The following PKD1L3 variants were observed in gnomAD, a reference collection of about 807,000 sequenced individuals.
PKD1L3 encodes the protein polycystin-1-like protein 3.
Under a neutral mutation model 184.1 loss-of-function variants are expected in PKD1L3, and 239 were observed. The observed-to-expected ratio is 1.30, with a 90% CI of 1.17 to 1.45. The LOEUF (loss-of-function observed/expected upper bound fraction) is 1.45. Among genes scored for constraint, PKD1L3 ranks in the 40% most tolerant of loss-of-function variants. The probability of loss-of-function intolerance (pLI) is 0.00; values close to 1 mark genes in which losing one functional copy is unlikely to be tolerated. For missense variants in PKD1L3, 2,660 were observed against 2,067.2 expected (o/e 1.29, Z -5.56); for synonymous variants, 996 against 778.8 (o/e 1.28, Z -4.64).
At chr16:71,961,253 G>A (rs1381197885) in intron 16 of PKD1L3, among the ~76,000 whole-genome samples, 2 of 152,060 alleles carry the variant, frequency 1.3e-5, no homozygotes, top group Admixed American at 6.6e-5. Flanking sequence ...CTCCCCAGTA[G>A]CTGGGACTAC....
Position 71,963,321 on chromosome 16 carries a change from C to T in PKD1L3, c.2496G>A (p.Met832Ile), listed in dbSNP as rs1212235890. 6.4e-7 allele frequency: 1 copy of T among 1,550,976 alleles called. No individual in the cohort carries two copies. Among genetic ancestry groups the T allele is most frequent in the East Asian group, 2.4e-5 (1 of 40,902 alleles). Reference protein sequence around the residue: ...WYVSQVIVCDMAVKRKWHFLC... With the variant: ...WYVSQVIVCDIAVKRKWHFLC... Reference sequence around the variant, plus strand: ...GGAAATGCCACTTCCTCTTAACTGCCATGTCACAGACAATTACCTGGCTGA... The same window carrying T: ...GGAAATGCCACTTCCTCTTAACTGCTATGTCACAGACAATTACCTGGCTGA... The change falls in exon 16 of 30, where the codon ATG becomes ATA. Residue 832 changes from methionine (M) to isoleucine (I), a missense_variant. By Grantham distance (10) the Met-to-Ile change is conservative. Coordinates refer to ENST00000620267, the MANE Select transcript of PKD1L3 (RefSeq NM_181536.2).
In PKD1L3 at chr16:71,984,071, T is replaced by C. The variant is rs1472821933; in HGVS notation, c.931A>G (p.Thr311Ala). The change falls in exon 6 of 30, where the codon ACA becomes GCA. Residue 311 changes from threonine (T) to alanine (A), a missense_variant. Transcript: ENST00000620267. The part of the protein sequence containing the change: ...QEACEFLQKL[T>A]ALTPRFSKPA... The stretch of plus-strand genomic sequence containing the variant: ...TTAGAAAATCTTGGGGTTAAGGCTG[T>C]TAGTTTCTGGAGGAACTCACAAGCT... 2 of 1,552,324 alleles carry C rather than the reference T, an allele frequency of 1.3e-6. No homozygotes were observed. The highest frequency in any genetic ancestry group is 1.4e-5 in the African/African-American group (1 of 73,176).
chr16:71,931,556 C>G (rs958015533), intron 28 of PKD1L3, among the ~76,000 whole-genome samples: 3 of 150,894 alleles, frequency 2.0e-5, no homozygotes, highest in African/African-American at 7.3e-5. Flanking sequence ...CCTCCACCTC[C>G]CAGGTTCAAG....
In PKD1L3 at chr16:71,967,284, C is replaced by T. The variant is rs757817448; in HGVS notation, c.2318G>A (p.Arg773Gln). The change falls in exon 15 of 30, where the codon CGG (arginine) becomes CAG (glutamine). Residue 773 changes from arginine (R) to glutamine (Q), a missense_variant. By Grantham distance (43) the Arg-to-Gln change is conservative. Coordinates refer to ENST00000620267, the MANE Select transcript of PKD1L3 (RefSeq NM_181536.2). ...VVITLYGSEG[R>Q]SEPHHLCDPQ... is the part of the protein sequence containing the mutation. Reference sequence around the variant, plus strand: ...GTCACAGAGGTGATGGGGCTCACTCCGTCCCTCTGATCCATAGAGGGTGAT... The same window carrying T: ...GTCACAGAGGTGATGGGGCTCACTCTGTCCCTCTGATCCATAGAGGGTGAT... 8.4e-6 allele frequency: 13 copies of T among 1,551,506 alleles called. No individual in the cohort carries two copies. The highest frequency in any genetic ancestry group is 1.1e-5 in the Non-Finnish European group (13 of 1,146,902).
chr16:71,937,140 C>T (rs2038207988), intron 25 of PKD1L3, among the ~76,000 whole-genome samples, 152 bp downstream of exon 25: 1 of 152,140 alleles, frequency 6.6e-6, no homozygotes, highest in Non-Finnish European at 1.5e-5. Context: ...ACTGCAACCT[C>T]TGCCTCCCAG....
chr16:71,999,782 ACTTC>A lies in PKD1L3; in HGVS notation c.193_196del (p.Glu65PhefsTer21), dbSNP rs1460173204. Reference sequence around the variant, plus strand: ...CAGATAGTCCCGGATGAGATCTTGAACTTCCTTGTTCCAAATATGAGCTAGGAAT... The same window carrying A: ...CAGATAGTCCCGGATGAGATCTTGAACTTGTTCCAAATATGAGCTAGGAAT... On this transcript the variant is annotated frameshift_variant, in exon 1 of 30. Coordinates refer to ENST00000620267, the MANE Select transcript of PKD1L3 (RefSeq NM_181536.2). LOFTEE classifies it high-confidence loss of function. 2 of 1,551,730 alleles carry A rather than the reference ACTTC, an allele frequency of 1.3e-6. No individual in the cohort carries two copies. Among genetic ancestry groups the A allele is most frequent in the Non-Finnish European group, 1.7e-6 (2 of 1,147,008 alleles).
At chr16:71,970,830 A>G (rs1385680063) in intron 12 of PKD1L3, among the ~76,000 whole-genome samples, 1 of 152,152 alleles carries the variant, frequency 6.6e-6, no homozygotes, top group Non-Finnish European at 1.5e-5. Flanking sequence ...ATAATACATA[A>G]ATATAAAAAT....
rs1274386722 is a variant in PKD1L3 at position 71,944,694 on chromosome 16, G to GTTTTT, written c.3719-529_3719-525dup. On this transcript the variant is annotated intron_variant, in intron 22 of 29. Coordinates refer to ENST00000620267, the MANE Select transcript of PKD1L3 (RefSeq NM_181536.2). ...TGGGCAACATAGCAAGACCATATCTGTTTTTTGTTTGTTTTTTTTTTTTGA... is the reference window on the plus strand; with the variant it reads ...TGGGCAACATAGCAAGACCATATCTGTTTTTTTTTTTGTTTGTTTTTTTTTTTTGA... 3.9e-5 allele frequency among the ~76,000 whole-genome samples: 3 copies of GTTTTT among 76,080 alleles called. 1 individual carries two copies. The highest frequency in any genetic ancestry group is 5.7e-5 in the Non-Finnish European group (2 of 35,192). 49.9% of individuals were successfully genotyped at this position (76,080 alleles called of 152,430 possible).
rs1474537376 is a variant in PKD1L3 at position 71,953,017 on chromosome 16, A to C, written c.2886T>G (p.Leu962=). ...HTAVILFPIN[L]VIGRLFPLIE... Reference sequence around the variant, plus strand: ...TCAACGGGAAGAGCCGCCCTATGACAAGATTGATTGGGAAGAGGATGACAG... The same window carrying C: ...TCAACGGGAAGAGCCGCCCTATGACCAGATTGATTGGGAAGAGGATGACAG... The change falls in exon 18 of 30, where the codon CTT becomes CTG. Residue 962 remains leucine, a synonymous_variant. Coordinates refer to ENST00000620267, the MANE Select transcript of PKD1L3 (RefSeq NM_181536.2). 2.6e-6 allele frequency: 4 copies of C among 1,549,232 alleles called. No homozygotes were observed. Among genetic ancestry groups the C allele is most frequent in the African/African-American group, 2.7e-5 (2 of 72,982 alleles).
chr16:71,930,086 A>G lies in PKD1L3; in HGVS notation c.5024T>C (p.Leu1675Pro), dbSNP rs1405994760. The change falls in exon 29 of 30, where the codon CTC becomes CCC. Residue 1675 changes from leucine to proline, a missense_variant. Transcript: ENST00000620267. ...CTTTCTTTCTTTTCCAAAGGCCATGAGAATGGCCGAAACGAAAAGATTAAT... is the reference window on the plus strand; with the variant it reads ...CTTTCTTTCTTTTCCAAAGGCCATGGGAATGGCCGAAACGAAAAGATTAAT... ...VVINLFVSAI[L>P]MAFGKERKSL... 3 of 1,551,582 alleles carry G rather than the reference A, an allele frequency of 1.9e-6. No individual in the cohort carries two copies. Among genetic ancestry groups the G allele is most frequent in the Non-Finnish European group, 2.6e-6 (3 of 1,146,912 alleles).
intron 24 of PKD1L3, among the ~76,000 whole-genome samples, chr16:71,941,686 G>A (rs547564318): frequency 6.7e-6 from 1 of 150,318 alleles, no homozygotes; most frequent in African/African-American, 2.5e-5. Flanking sequence ...CTGGGTTCAA[G>A]CGATTCTTCT....
chr16:71,991,386 C>G, intron 3 of PKD1L3: 1 of 172,672 alleles, frequency 5.8e-6, no homozygotes, highest in Non-Finnish European at 1.4e-5. Context: ...AGGATAACCA[C>G]TTGAAGCTAA....
At chr16:71,985,641 C>A (rs530254725) in intron 5 of PKD1L3, among the ~76,000 whole-genome samples, 4 of 152,210 alleles carry the variant, frequency 2.6e-5, no homozygotes, top group African/African-American at 9.6e-5. Flanking sequence ...CATAAAGTTG[C>A]CTAAGCTGGT....
chr16:71,997,206 T>C (rs72787023), intron 2 of PKD1L3, among the ~76,000 whole-genome samples: 20,695 of 152,196 alleles, frequency 0.14, 1,912 homozygotes, highest in Non-Finnish European at 0.19. Flanking sequence ...AGCATCCATA[T>C]ACATAGTTTT....
At chr16:71,931,650 G>C (rs1038343473) in intron 28 of PKD1L3, among the ~76,000 whole-genome samples, 2 of 151,774 alleles carry the variant, frequency 1.3e-5, no homozygotes, top group Non-Finnish European at 2.9e-5. Flanking sequence ...TTTTAGTAGA[G>C]ACGGGATTTT....
intron 13 of PKD1L3, among the ~76,000 whole-genome samples, chr16:71,968,810 G>A (rs557023349): frequency 6.6e-6 from 1 of 152,118 alleles, no homozygotes; most frequent in Non-Finnish European, 1.5e-5. Flanking sequence ...TGGCCAGGCT[G>A]GTCTTGAACT....
At chr16:71,983,663 C>CTTTTTTTTTTTTTTTTTTTTTTT (rs1180950058) in intron 6 of PKD1L3, among the ~76,000 whole-genome samples, 6 of 100,306 alleles carry the variant, frequency 6.0e-5, no homozygotes, top group African/African-American at 2.3e-4. Context: ...GATTCTCTTT[C>CTTTTTTTTTTTTTTTTTTTTTTT]TTTTTTTTTT....
intron 3 of PKD1L3, 103 bp from the exon 4 acceptor site, chr16:71,990,432 G>T: frequency 9.9e-7 from 1 of 1,006,798 alleles, no homozygotes. Flanking sequence ...AATGCAAATT[G>T]TTTTACATAG....
At chr16:71,948,623 A>C (rs1408724534) in intron 21 of PKD1L3, among the ~76,000 whole-genome samples, 1 of 152,100 alleles carries the variant, frequency 6.6e-6, no homozygotes. Context: ...TTCCTTAACG[A>C]GCACTGGCTG....
Sources: gnomAD v4.1 joint callset for allele counts (sites outside exome capture counted in the v4.1 genomes callset) on GRCh38, gnomAD v4.1.1 for gene constraint, MANE v1.5 for transcripts, NCBI Gene and HGNC (gene_info 2026-07-23, HGNC 2026-07-21) for gene names.